Variants in NME5 observed in about 807,000 individuals in gnomAD.
The protein encoded by NME5 is NME/NM23 family member 5, also known as nucleoside diphosphate kinase 5.
In NME5, 18 loss-of-function variants were observed where a neutral mutation model predicts 21.6. The observed-to-expected ratio is 0.83, with a 90% CI of 0.58 to 1.24. NME5 has a LOEUF of 1.24. Ranked by LOEUF, NME5 falls within the 50% of genes most tolerant of loss-of-function variation. The pLI, the probability that NME5 is intolerant of heterozygous loss-of-function variation, is 0.00. For synonymous variants in NME5, 70 were observed against 80.6 expected, an observed-to-expected ratio of 0.87 and a Z score of 0.71; for missense variants, 223 against 255.4, an observed-to-expected ratio of 0.87 and a Z score of 0.86.
intron 4 of NME5, among the ~76,000 whole-genome samples, chr5:138,121,766 T>C (rs1467819083): frequency 6.6e-6 from 1 of 152,228 alleles, no homozygotes; most frequent in Non-Finnish European, 1.5e-5. Flanking sequence ...AATTGAATTA[T>C]TTGCAATTTT....
chr5:138,132,910 A>G (rs1751601188), intron 2 of NME5, among the ~76,000 whole-genome samples: 1 of 152,168 alleles, frequency 6.6e-6, no homozygotes, highest in Non-Finnish European at 1.5e-5. Context: ...TCTAAAATTA[A>G]GACATGAAAC....
intron 4 of NME5, among the ~76,000 whole-genome samples, chr5:138,125,369 G>C (rs1751373161): frequency 6.6e-6 from 1 of 152,140 alleles, no homozygotes; most frequent in African/African-American, 2.4e-5. Flanking sequence ...TATATTAAAA[G>C]GGAAAAGAGA....
At chr5:138,136,439 T>C (rs1751698992) in intron 2 of NME5, among the ~76,000 whole-genome samples, 2 of 152,188 alleles carry the variant, frequency 1.3e-5, no homozygotes. Context: ...AAAATGTTTT[T>C]CCTTTTCTGT....
intron 4 of NME5, among the ~76,000 whole-genome samples, chr5:138,123,989 T>C (rs1751343667): frequency 1.6e-5 from 2 of 123,602 alleles, no homozygotes; most frequent in African/African-American, 3.1e-5. Flanking sequence ...TGAGCACTTT[T>C]TTTTTTTTTT....
chr5:138,119,534 C>G (rs1253372133), intron 4 of NME5, among the ~76,000 whole-genome samples: 1 of 152,132 alleles, frequency 6.6e-6, no homozygotes, highest in African/African-American at 2.4e-5. Context: ...GGGGTTTCAC[C>G]ATGTTGGCCA....
intron 4 of NME5, among the ~76,000 whole-genome samples, chr5:138,124,740 C>T (rs1161263846): frequency 6.6e-6 from 1 of 152,084 alleles, no homozygotes; most frequent in African/African-American, 2.4e-5. Context: ...AGGCTGCTCT[C>T]AAACTTCTGG....
chr5:138,139,270 T>C, intron 1 of NME5, 101 bp downstream of exon 1: 1 of 704,524 alleles, frequency 1.4e-6, no homozygotes, highest in Non-Finnish European at 1.7e-6. Flanking sequence ...GACCTCTCTG[T>C]GCATAGGGTC....
At chr5:138,117,411 G>C (rs1452815666) in intron 5 of NME5, among the ~76,000 whole-genome samples, 1 of 151,950 alleles carries the variant, frequency 6.6e-6, no homozygotes, top group Non-Finnish European at 1.5e-5. Flanking sequence ...TATCAAGAAA[G>C]TGAAAAGACA....
rs542899472 is a variant in NME5, at chr5:138,139,377, G to T, written c.-12C>A. ...ACCCTCTCTAAGTACTCACCTCAGC[G>T]GCCGTCCTCATATGGTACAACTTGT... is the stretch of plus-strand genomic sequence containing the variant. On this transcript the variant is annotated 5_prime_UTR_variant, in exon 1 of 6. Coordinates refer to ENST00000265191, the MANE Select transcript of NME5 (RefSeq NM_003551.3). 3.0e-4 allele frequency: 295 copies of T among 985,578 alleles called. 2 individuals carry two copies. In the African/African-American group the frequency reaches 4.7e-3, roughly 16 times the overall value. The allele number at this position is 985,578 out of a possible 1,614,324, so 61.1% of individuals were successfully genotyped here. A position where few individuals can be genotyped will look rare whatever the true frequency, so the allele number is the denominator to read the frequency against.
intron 2 of NME5, among the ~76,000 whole-genome samples, chr5:138,133,848 T>A (rs1751629285): frequency 6.6e-6 from 1 of 152,100 alleles, no homozygotes; most frequent in African/African-American, 2.4e-5. Context: ...AAGCAACGAG[T>A]TAGCATTAGG....
intron 5 of NME5, among the ~76,000 whole-genome samples, chr5:138,115,992 T>C (rs1751149084): frequency 6.6e-6 from 1 of 152,174 alleles, no homozygotes; most frequent in Non-Finnish European, 1.5e-5. Flanking sequence ...AACCTACATG[T>C]GGAAAACCCT....
At chr5:138,130,778 T>G (rs1751543974) in intron 2 of NME5, among the ~76,000 whole-genome samples, 1 of 148,264 alleles carries the variant, frequency 6.7e-6, no homozygotes, top group Non-Finnish European at 1.5e-5. Context: ...TACAAAAAAT[T>G]AGCCAGGTGT....
intron 4 of NME5, among the ~76,000 whole-genome samples, chr5:138,123,798 C>T (rs1400261956): frequency 6.6e-6 from 1 of 152,080 alleles, no homozygotes; most frequent in African/African-American, 2.4e-5. Flanking sequence ...TGAGGAACTT[C>T]CATACTGTCT....
Position 138,133,797 on chromosome 5 carries a change from A to C in NME5, c.130-4329T>G, listed in dbSNP as rs1269169349. Among the ~76,000 whole-genome samples, 3 of 152,230 alleles carry C rather than the reference A, an allele frequency of 2.0e-5. 1 individual carries two copies. Among genetic ancestry groups the C allele is most frequent in the Admixed American group, 6.5e-5 (1 of 15,284 alleles). ...AGCTTGAATAGTCAAATTCCTACAGACAGCAAGTAGAATAGTGGTTATCGG... is the reference window on the plus strand; with the variant it reads ...AGCTTGAATAGTCAAATTCCTACAGCCAGCAAGTAGAATAGTGGTTATCGG... On this transcript the variant is annotated intron_variant, in intron 2 of 5. Transcript: ENST00000265191.
chr5:138,132,075 G>C (rs1751582841), intron 2 of NME5, among the ~76,000 whole-genome samples: 1 of 152,076 alleles, frequency 6.6e-6, no homozygotes, highest in Non-Finnish European at 1.5e-5. Context: ...ATTTATTACT[G>C]CTGGCCAGGC....
intron 2 of NME5, among the ~76,000 whole-genome samples, chr5:138,132,939 C>T (rs1463699935): frequency 6.6e-6 from 1 of 150,926 alleles, no homozygotes; most frequent in African/African-American, 2.4e-5. Flanking sequence ...TGCGTATTAG[C>T]GTTTTTTTTT....
chr5:138,127,643 A>C, intron 4 of NME5: 1 of 984,952 alleles, frequency 1.0e-6, no homozygotes, highest in Non-Finnish European at 1.2e-6. Context: ...TATTAAAAAC[A>C]AACCAAAAAC....
intron 4 of NME5, chr5:138,127,636 TAAA>T (rs1751453975): frequency 1.0e-6 from 1 of 984,596 alleles, no homozygotes; most frequent in African/African-American, 1.7e-5. Context: ...CTAAAAATAT[TAAA>T]AACAAACCAA....
At position 138,138,794 on chromosome 5, in the gene NME5, G is replaced by T; in HGVS notation, c.-5-9C>A. The stretch of plus-strand genomic sequence containing the variant: ...TGATATCTCCATTATGGCTTTTCAG[G>T]GCACAAATTAAGAGTTTCTTAACAG... On this transcript the variant is annotated splice_polypyrimidine_tract_variant and intron_variant, in intron 1 of 5. Coordinates refer to ENST00000265191, the MANE Select transcript of NME5 (RefSeq NM_003551.3). 6.3e-7 allele frequency: 1 copy of T among 1,594,116 alleles called. No individual in the cohort carries two copies. The highest frequency in any genetic ancestry group is 8.5e-7 in the Non-Finnish European group (1 of 1,174,326).
Sources: gnomAD v4.1 joint callset for allele counts (sites outside exome capture counted in the v4.1 genomes callset) on GRCh38, gnomAD v4.1.1 for gene constraint, MANE v1.5 for transcripts, NCBI Gene and HGNC (gene_info 2026-07-23, HGNC 2026-07-21) for gene names.